The following CD58 variants were observed in gnomAD, a reference collection of about 807,000 sequenced individuals.
The protein encoded by CD58 is lymphocyte function-associated antigen 3.
A neutral mutation model predicts 27.6 loss-of-function variants in CD58; 14 were observed. The ratio of observed to expected loss-of-function variants is 0.51; its 90% CI spans 0.34 to 0.79. CD58 has a LOEUF of 0.79. Among genes scored for constraint, CD58 ranks in the 30% least tolerant of loss-of-function variants. The pLI is 0.02. For missense variants in CD58, 268 were observed against 301.7 expected (o/e 0.89, Z 0.83); for synonymous variants, 117 against 103.8 (o/e 1.13, Z -0.77).
At position 116,521,465 on chromosome 1, in the gene CD58, G is replaced by A. The variant is rs1350877711; in HGVS notation, c.706+441C>T. Among the ~76,000 whole-genome samples the A allele has an allele frequency of 6.6e-6, 1 of 152,198 alleles. No individual in the cohort carries two copies. The highest frequency in any genetic ancestry group is 1.5e-5 in the Non-Finnish European group (1 of 68,044). ...TGAGAAGGCTCAGGAAGTAATACAA[G>A]CACAATTACTTGTATTACGTAAGTC... On this transcript the variant is annotated intron_variant, in intron 4 of 5. Transcript: ENST00000369489. The surrounding 1 kb of genome is among the most constrained non-coding windows in gnomAD (Gnocchi z 5.6).
At position 116,528,651 on chromosome 1, in the gene CD58, G is replaced by T. The variant is rs74111624; in HGVS notation, c.629-6668C>A. Among the ~76,000 whole-genome samples, 2 of 152,136 alleles carry T rather than the reference G, an allele frequency of 1.3e-5. No individual in the cohort carries two copies. The highest frequency in any genetic ancestry group is 2.9e-5 in the Non-Finnish European group (2 of 68,048). On this transcript the variant is annotated intron_variant, in intron 3 of 5. Transcript: ENST00000369489. The surrounding 1 kb of genome is among the most constrained non-coding windows in gnomAD (Gnocchi z 4.4). ...TTAGAGTTCTGTGTCAATGTGGAGG[G>T]TGTTACAATCATCCTACTTCTTCCC...
chr1:116,518,987 T>C, intron 5 of CD58: 1 of 1,053,510 alleles, frequency 9.5e-7, no homozygotes. Context: ...GCAAGGGGTA[T>C]GATACTCCTC....
chr1:116,543,168 C>A (rs893263191), intron 2 of CD58, among the ~76,000 whole-genome samples: 2 of 152,068 alleles, frequency 1.3e-5, no homozygotes, highest in African/African-American at 4.8e-5. Flanking sequence ...AGCAAAGGAG[C>A]AAGGAAGCTA....
rs1051651337 is a variant in CD58 at position 116,552,236 on chromosome 1, C to G, written c.71-7632G>C. On this transcript the variant is annotated intron_variant, in intron 1 of 5. Transcript: ENST00000369489. This position sits in a 1 kb window ranked among gnomAD's most constrained non-coding sequence, Gnocchi z 4.5. ...AGGAGAAGGAGAAAGATGGGGAGAA[C>G]AGCCAGTCAGTGGAGCAGTCAGAAC... 6.6e-6 allele frequency among the ~76,000 whole-genome samples: 1 copy of G among 152,184 alleles called. No individual in the cohort carries two copies. Among genetic ancestry groups the G allele is most frequent in the Non-Finnish European group, 1.5e-5 (1 of 68,034 alleles).
At chr1:116,544,029 A>G (rs1000857464) in intron 2 of CD58, among the ~76,000 whole-genome samples, 2 of 152,220 alleles carry the variant, frequency 1.3e-5, no homozygotes, top group African/African-American at 4.8e-5. Context: ...TGGAGCCCAA[A>G]GAGTTCTAAG....
In CD58 at chr1:116,570,839, C is replaced by A. The variant is rs1373407078; in HGVS notation, c.70+64G>T. 1.5e-6 allele frequency: 2 copies of A among 1,366,252 alleles called. No individual in the cohort carries two copies. The highest frequency in any genetic ancestry group is 2.7e-5 in the East Asian group (1 of 37,026). 84.6% of individuals were successfully genotyped at this position (1,366,252 alleles called of 1,614,324 possible). A position where few individuals can be genotyped will look rare whatever the true frequency, so the allele number is the denominator to read the frequency against. Reference sequence around the variant, plus strand: ...ACCGCCTCGAGCCCGGCGCGTCCACCCAGCCTGGGTGCTGCCCAGTACCCG... The same window carrying A: ...ACCGCCTCGAGCCCGGCGCGTCCACACAGCCTGGGTGCTGCCCAGTACCCG... On this transcript the variant is annotated intron_variant, in intron 1 of 5. Transcript: ENST00000369489. This position sits in a 1 kb window ranked among gnomAD's most constrained non-coding sequence, Gnocchi z 6.4.
In CD58 at chr1:116,523,933, A is replaced by G. The variant is rs950104753; in HGVS notation, c.629-1950T>C. ...CCAGTGAGTTTTTAAATTTGTTTTTAGTACATTATGAACGCATGAACTGAG... is the reference window on the plus strand; with the variant it reads ...CCAGTGAGTTTTTAAATTTGTTTTTGGTACATTATGAACGCATGAACTGAG... On this transcript the variant is annotated intron_variant, in intron 3 of 5. Transcript: ENST00000369489. The surrounding 1 kb of genome is among the most constrained non-coding windows in gnomAD (Gnocchi z 4.4). 1.4e-4 allele frequency among the ~76,000 whole-genome samples: 21 copies of G among 152,372 alleles called. No homozygotes were observed. Among genetic ancestry groups the G allele is most frequent in the African/African-American group, 5.1e-4 (21 of 41,584 alleles).
chr1:116,536,326 A>T lies in CD58; in HGVS notation c.365-98T>A. On this transcript the variant is annotated intron_variant, in intron 2 of 5. Coordinates refer to ENST00000369489, the MANE Select transcript of CD58 (RefSeq NM_001779.3). The surrounding 1 kb of genome is among the most constrained non-coding windows in gnomAD (Gnocchi z 5.4). The stretch of plus-strand genomic sequence containing the variant: ...AGCTCGCAACCTCCTTACAAGCTTG[A>T]AAGGATGAGCAGACAAACTCCTTGA... 1.2e-6 allele frequency: 1 copy of T among 852,496 alleles called. No homozygotes were observed. Among genetic ancestry groups the T allele is most frequent in the Non-Finnish European group, 1.8e-6 (1 of 566,380 alleles). 52.8% of individuals were successfully genotyped at this position (852,496 alleles called of 1,614,324 possible). A position where few individuals can be genotyped will look rare whatever the true frequency, so the allele number is the denominator to read the frequency against.
At chr1:116,540,722 T>C (rs1215878404) in intron 2 of CD58, among the ~76,000 whole-genome samples, 1 of 152,222 alleles carries the variant, frequency 6.6e-6, no homozygotes, top group East Asian at 1.9e-4. Context: ...TTTACTCCTC[T>C]GCAGGCTTCC....
chr1:116,570,900 C>A lies in CD58; in HGVS notation c.70+3G>T. The A allele has an allele frequency of 6.4e-7, 1 of 1,557,212 alleles. No homozygotes were observed. Among genetic ancestry groups the A allele is most frequent in the Non-Finnish European group, 8.6e-7 (1 of 1,156,098 alleles). ...CGGGGCCCCTGGGGCAGGCTTCACT[C>A]ACCAAAGCAGTGCAGCAGGCAGACC... is the stretch of plus-strand genomic sequence containing the variant. On this transcript the variant is annotated splice_donor_region_variant and intron_variant, in intron 1 of 5. Transcript: ENST00000369489. The surrounding 1 kb of genome is among the most constrained non-coding windows in gnomAD (Gnocchi z 6.4).
intron 1 of CD58, among the ~76,000 whole-genome samples, chr1:116,569,903 AGGCCTCTTACAACACTG>A (rs1659082014): frequency 6.6e-6 from 1 of 152,202 alleles, no homozygotes; most frequent in Non-Finnish European, 1.5e-5. Context: ...CGCCCAGCCC[AGGCCTCTTACAACACTG>A]ACTTATCTGA....
chr1:116,548,925 C>T (rs1658288852), intron 1 of CD58, among the ~76,000 whole-genome samples: 1 of 152,190 alleles, frequency 6.6e-6, no homozygotes, highest in African/African-American at 2.4e-5. Flanking sequence ...GTGTTATTAA[C>T]CCCATTTACA....
At position 116,523,793 on chromosome 1, in the gene CD58, A is replaced by G. The variant is rs1257307402; in HGVS notation, c.629-1810T>C. On this transcript the variant is annotated intron_variant, in intron 3 of 5. Coordinates refer to ENST00000369489, the MANE Select transcript of CD58 (RefSeq NM_001779.3). The surrounding 1 kb of genome is among the most constrained non-coding windows in gnomAD (Gnocchi z 4.4). ...ACATAAAGATAAACTGCCCCTCATC[A>G]ACAATGTGGTTACTCTGAGGTTCAA... Among the ~76,000 whole-genome samples, 1 of 152,200 alleles carries G rather than the reference A, an allele frequency of 6.6e-6. No homozygotes were observed. Among genetic ancestry groups the G allele is most frequent in the Non-Finnish European group, 1.5e-5 (1 of 68,032 alleles).
rs1657043044 is a variant in CD58, at chr1:116,515,414, A to G, written c.744-592T>C. 6.6e-6 allele frequency among the ~76,000 whole-genome samples: 1 copy of G among 152,188 alleles called. No individual in the cohort carries two copies. Among genetic ancestry groups the G allele is most frequent in the Non-Finnish European group, 1.5e-5 (1 of 68,030 alleles). On this transcript the variant is annotated intron_variant, in intron 5 of 5. Coordinates refer to ENST00000369489, the MANE Select transcript of CD58 (RefSeq NM_001779.3). The surrounding 1 kb of genome is among the most constrained non-coding windows in gnomAD (Gnocchi z 4.6). ...AGAGCTCCCCAAACATTTGTATCTC[A>G]TTGGTAACAAGAATTCATGAGAAAT...
At chr1:116,533,969 G>C in intron 3 of CD58, 1 of 1,430,830 alleles carries the variant, frequency 7.0e-7, no homozygotes, top group Non-Finnish European at 9.8e-7. Flanking sequence ...AGTCGCTCCT[G>C]TAAAGCTGCC....
chr1:116,526,402 A>G (rs1657435368), intron 3 of CD58, among the ~76,000 whole-genome samples: 2 of 152,134 alleles, frequency 1.3e-5, no homozygotes, highest in South Asian at 4.1e-4. Context: ...ATTTTTTTGC[A>G]TGTGGATGTC....
Position 116,535,608 on chromosome 1 carries a change from G to A in CD58, c.628+357C>T, listed in dbSNP as rs1001193324. On this transcript the variant is annotated intron_variant, in intron 3 of 5. Coordinates refer to ENST00000369489, the MANE Select transcript of CD58 (RefSeq NM_001779.3). ...TGTAATCCCAGCACTTTGGGAGGCCGAGGCGGGCGGATCACGAGGTCAGGA... is the reference window on the plus strand; with the variant it reads ...TGTAATCCCAGCACTTTGGGAGGCCAAGGCGGGCGGATCACGAGGTCAGGA... 4.6e-4 allele frequency among the ~76,000 whole-genome samples: 45 copies of A among 98,316 alleles called. 3 individuals carry two copies. Among genetic ancestry groups the A allele is most frequent in the Non-Finnish European group, 3.7e-4 (20 of 54,494 alleles). The allele number at this position is 98,316 out of a possible 152,430, so 64.5% of individuals were successfully genotyped here.
rs1265197003 is a variant in CD58 at position 116,544,206 on chromosome 1, A to T, written c.364+105T>A. Reference sequence around the variant, plus strand: ...GGAGAAAACCCTGACAACAGGTAACATCTAATTCTTTTCTCATAGACCATT... The same window carrying T: ...GGAGAAAACCCTGACAACAGGTAACTTCTAATTCTTTTCTCATAGACCATT... On this transcript the variant is annotated intron_variant, in intron 2 of 5. Transcript: ENST00000369489. 13 of 760,744 alleles carry T rather than the reference A, an allele frequency of 1.7e-5. No homozygotes were observed. In the East Asian group the frequency reaches 3.4e-4, roughly 20 times the overall value. 47.1% of individuals were successfully genotyped at this position (760,744 alleles called of 1,614,324 possible).
At chr1:116,558,472 C>T (rs1385494111) in intron 1 of CD58, among the ~76,000 whole-genome samples, 1 of 152,216 alleles carries the variant, frequency 6.6e-6, no homozygotes. Flanking sequence ...GAAGCAACAT[C>T]TCTATCTACA....
Sources: allele counts gnomAD v4.1 joint callset (sites outside exome capture counted in the v4.1 genomes callset), GRCh38; gene constraint gnomAD v4.1.1; non-coding constraint Gnocchi (gnomAD v3.1); transcripts MANE v1.5; gene names NCBI Gene and HGNC (gene_info 2026-07-23, HGNC 2026-07-21).